Variants in REP15 observed in about 807,000 individuals in gnomAD.
The protein encoded by REP15 is RAB15 effector protein.
Under a neutral mutation model 1.1 loss-of-function variants are expected in REP15, and 1 was observed. That is an observed-to-expected ratio of 0.89 (90% CI 0.32 to 4.24). The LOEUF (loss-of-function observed/expected upper bound fraction) is 4.24, where lower values mean the gene tolerates loss of function less well. Ranked by LOEUF, REP15 falls within the 30% of genes most tolerant of loss-of-function variation. The probability of loss-of-function intolerance (pLI) is 0.17; values close to 1 mark genes in which losing one functional copy is unlikely to be tolerated. For synonymous variants in REP15, 100 were observed against 99.7 expected (o/e 1.00, Z -0.02); for missense variants, 246 against 271.9 (o/e 0.90, Z 0.67).
rs1199920263 is a variant in REP15, at chr12:27,697,099, C to T, written c.537C>T (p.Val179=). ...PGKPKDIRGV[V]LDSVKSQMVR... is the part of the protein sequence containing the mutation. ...AGCCTAAAGACATCAGGGGAGTTGTCCTGGACAGTGTCAAAAGTCAGATGG... is the reference window on the plus strand; with the variant it reads ...AGCCTAAAGACATCAGGGGAGTTGTTCTGGACAGTGTCAAAAGTCAGATGG... The change falls in exon 1 of 1, where the codon GTC becomes GTT. Residue 179 remains valine (V), a synonymous_variant. Coordinates refer to ENST00000310791, the MANE Select transcript of REP15 (RefSeq NM_001029874.3). The T allele has an allele frequency of 4.3e-6, 7 of 1,613,958 alleles. No homozygotes were observed. The African/African-American group carries it at 8.0e-5, about 18-fold the overall frequency.
In REP15 at chr12:27,697,341, C is replaced by A; in HGVS notation, c.*68C>A. The A allele has an allele frequency of 2.2e-6, 2 of 924,992 alleles. No individual in the cohort carries two copies. The highest frequency in any genetic ancestry group is 3.3e-5 in the South Asian group (2 of 59,818). 57.3% of individuals were successfully genotyped at this position (924,992 alleles called of 1,614,324 possible). ...AAAAAGATTCTAATAAGCAAGCTCA[C>A]CTATTTGCATCATTCCAGCATGGGA... On this transcript the variant is annotated 3_prime_UTR_variant, in exon 1 of 1. Coordinates refer to ENST00000310791, the MANE Select transcript of REP15 (RefSeq NM_001029874.3).
At position 27,696,703 on chromosome 12, in the gene REP15, ACT is replaced by A. The variant is rs750264329; in HGVS notation, c.144_145del (p.Cys49ProfsTer8). The A allele has an allele frequency of 6.2e-7, 1 of 1,614,096 alleles. No homozygotes were observed. Among genetic ancestry groups the A allele is most frequent in the Non-Finnish European group, 8.5e-7 (1 of 1,179,988 alleles). ...YLGFEYPPSK[L>X]CPAANTLNEI... ...TTGGATTTGAATATCCTCCAAGTAA[ACT>A]CTGCCCAGCTGCAAATACTCTGAAT... On this transcript the variant is annotated frameshift_variant, in exon 1 of 1. Transcript: ENST00000310791. LOFTEE classifies it low-confidence loss of function (END_TRUNC).
chr12:27,696,915 C>T lies in REP15; in HGVS notation c.353C>T (p.Pro118Leu), dbSNP rs1264484997. ...GTACAGACTCTGCAGATGTCTTCAC[C>T]TCCTCCTGTGGAATCTAAGCCTTGT... ...LAVQTLQMSS[P>L]PPVESKPCDL... Residue 118 changes from proline to leucine, a missense_variant, in exon 1 of 1, where the codon CCT becomes CTT. Physicochemically the swap from Pro to Leu is moderately conservative, Grantham distance 98 (BLOSUM62 -3). Coordinates refer to ENST00000310791, the MANE Select transcript of REP15 (RefSeq NM_001029874.3). The T allele has an allele frequency of 6.2e-7, 1 of 1,613,940 alleles. No homozygotes were observed. The highest frequency in any genetic ancestry group is 2.2e-5 in the East Asian group (1 of 44,900).
chr12:27,696,768 A>T lies in REP15; in HGVS notation c.206A>T (p.Glu69Val), dbSNP rs1459612245. The part of the protein sequence containing the change: ...FLIHFITFCQ[E>V]KGVDEWLTTT... ...ATCCATTTCATCACTTTCTGCCAAG[A>T]AAAGGGAGTTGATGAGTGGCTGACC... The change falls in exon 1 of 1, where the codon GAA (glutamate) becomes GTA (valine). Residue 69 changes from glutamate (E) to valine (V), a missense_variant. Glu to Val is a moderately radical substitution (Grantham distance 121, BLOSUM62 -2). Coordinates refer to ENST00000310791, the MANE Select transcript of REP15 (RefSeq NM_001029874.3). 6.2e-7 allele frequency: 1 copy of T among 1,614,002 alleles called. No individual in the cohort carries two copies. The highest frequency in any genetic ancestry group is 1.7e-5 in the Admixed American group (1 of 60,012).
At position 27,696,847 on chromosome 12, in the gene REP15, G is replaced by C. The variant is rs879116511; in HGVS notation, c.285G>C (p.Trp95Cys). ...QAFLFGADWIWTFWGSNKQIK... is the reference protein window; with the variant it reads ...QAFLFGADWICTFWGSNKQIK... ...TCCTGTTTGGTGCAGACTGGATTTG[G>C]ACCTTTTGGGGATCCAACAAGCAAA... Residue 95 changes from tryptophan (W) to cysteine (C), a missense_variant, in exon 1 of 1, where the codon TGG becomes TGC. Trp to Cys is a radical substitution (Grantham distance 215). Transcript: ENST00000310791. The C allele has an allele frequency of 2.5e-6, 4 of 1,614,020 alleles. No individual in the cohort carries two copies. In the South Asian group the frequency reaches 4.4e-5, roughly 18 times the overall value.
Position 27,697,197 on chromosome 12 carries a change from A to C in REP15, c.635A>C (p.Lys212Thr). 1 of 1,614,206 alleles carries C rather than the reference A, an allele frequency of 6.2e-7. No individual in the cohort carries two copies. Residue 212 changes from lysine to threonine, a missense_variant, in exon 1 of 1, where the codon AAA (lysine) becomes ACA (threonine). Coordinates refer to ENST00000310791, the MANE Select transcript of REP15 (RefSeq NM_001029874.3). The stretch of plus-strand genomic sequence containing the variant: ...GAAACTGAAGATTGTGTGTTCATCA[A>C]AGAGCTGCTCAGAAATTGTCTGAGT... ...VLETEDCVFI[K>T]ELLRNCLSKK... is the part of the protein sequence containing the mutation.
In REP15 at chr12:27,696,707, T is replaced by C. The variant is rs1256291494; in HGVS notation, c.145T>C (p.Cys49Arg). ...ATTTGAATATCCTCCAAGTAAACTC[T>C]GCCCAGCTGCAAATACTCTGAATGA... Reference protein sequence around the residue: ...LGFEYPPSKLCPAANTLNEIF... With the variant: ...LGFEYPPSKLRPAANTLNEIF... Residue 49 changes from cysteine to arginine, a missense_variant, in exon 1 of 1, where the codon TGC becomes CGC. Cys to Arg is a radical substitution (Grantham distance 180). Transcript: ENST00000310791. 6.2e-7 allele frequency: 1 copy of C among 1,614,226 alleles called. No homozygotes were observed. Among genetic ancestry groups the C allele is most frequent in the Non-Finnish European group, 8.5e-7 (1 of 1,180,032 alleles).
At position 27,697,279 on chromosome 12, in the gene REP15, A is replaced by G. The variant is rs562777409; in HGVS notation, c.*6A>G. Reference sequence around the variant, plus strand: ...TTTATATCAGCATTCTCTGACTTGGATATGTATTATGTGAGTGGCCTGTAA... The same window carrying G: ...TTTATATCAGCATTCTCTGACTTGGGTATGTATTATGTGAGTGGCCTGTAA... On this transcript the variant is annotated 3_prime_UTR_variant, in exon 1 of 1. Transcript: ENST00000310791. 7 of 1,569,442 alleles carry G rather than the reference A, an allele frequency of 4.5e-6. No homozygotes were observed. Among genetic ancestry groups the G allele is most frequent in the South Asian group, 3.3e-5 (3 of 89,578 alleles).
Position 27,697,375 on chromosome 12 carries a change from C to A in REP15, c.*102C>A. On this transcript the variant is annotated 3_prime_UTR_variant, in exon 1 of 1. Transcript: ENST00000310791. ...ATCATTCCAGCATGGGATTTTTTTT[C>A]ATTTGTTTTCCCATTGATTGAAAAT... 1 of 681,424 alleles carries A rather than the reference C, an allele frequency of 1.5e-6. No homozygotes were observed. Among genetic ancestry groups the A allele is most frequent in the Non-Finnish European group, 2.5e-6 (1 of 401,318 alleles). 42.2% of individuals were successfully genotyped at this position (681,424 alleles called of 1,614,324 possible). A position where few individuals can be genotyped will look rare whatever the true frequency, so the allele number is the denominator to read the frequency against.
chr12:27,696,502 A>T lies in REP15; in HGVS notation c.-61A>T. Reference sequence around the variant, plus strand: ...GATGTGGCCTCCCTGCAGAACTTTTACTTTGAAAAAGAAGTACGTCTGAAC... The same window carrying T: ...GATGTGGCCTCCCTGCAGAACTTTTTCTTTGAAAAAGAAGTACGTCTGAAC... On this transcript the variant is annotated 5_prime_UTR_variant, in exon 1 of 1. Transcript: ENST00000310791. The T allele has an allele frequency of 7.3e-7, 1 of 1,362,674 alleles. No individual in the cohort carries two copies. The highest frequency in any genetic ancestry group is 1.0e-6 in the Non-Finnish European group (1 of 1,000,448). The allele number at this position is 1,362,674 out of a possible 1,614,324, so 84.4% of individuals were successfully genotyped here. A position where few individuals can be genotyped will look rare whatever the true frequency, so the allele number is the denominator to read the frequency against.
Position 27,697,043 on chromosome 12 carries a change from G to T in REP15, c.481G>T (p.Gly161Cys). The change falls in exon 1 of 1, where the codon GGT becomes TGT. Residue 161 changes from glycine (G) to cysteine (C), a missense_variant. By Grantham distance (159) the Gly-to-Cys change is radical. Transcript: ENST00000310791. ...FCNLIGEDCL[G>C]LFIIFGMPGK... ...TAACTTAATAGGAGAGGATTGCCTG[G>T]GTCTGTTTATCATCTTTGGTATGCC... 6.2e-7 allele frequency: 1 copy of T among 1,613,902 alleles called. No homozygotes were observed. Among genetic ancestry groups the T allele is most frequent in the Non-Finnish European group, 8.5e-7 (1 of 1,179,824 alleles).
chr12:27,697,273 A>T lies in REP15; in HGVS notation c.711A>T (p.Ter237CysextTer41), dbSNP rs2061739467. The T allele has an allele frequency of 1.9e-6, 3 of 1,590,042 alleles. No individual in the cohort carries two copies. The highest frequency in any genetic ancestry group is 2.2e-5 in the East Asian group (1 of 44,706). The change falls in exon 1 of 1, where the codon TGA (stop) becomes TGT (cysteine). Residue 237 changes from the stop codon to cysteine, a stop_lost. Coordinates refer to ENST00000310791, the MANE Select transcript of REP15 (RefSeq NM_001029874.3). ...EVGKVYISIL[*>C] ...GCAAGGTTTATATCAGCATTCTCTG[A>T]CTTGGATATGTATTATGTGAGTGGC...
Position 27,697,335 on chromosome 12 carries a change from AG to A in REP15, c.*63del, listed in dbSNP as rs1377899673. Reference sequence around the variant, plus strand: ...AAAGAAAAAAAGATTCTAATAAGCAAGCTCACCTATTTGCATCATTCCAGCA... The same window carrying A: ...AAAGAAAAAAAGATTCTAATAAGCAACTCACCTATTTGCATCATTCCAGCA... On this transcript the variant is annotated 3_prime_UTR_variant, in exon 1 of 1. Transcript: ENST00000310791. 1 of 993,864 alleles carries A rather than the reference AG, an allele frequency of 1.0e-6. No individual in the cohort carries two copies. Among genetic ancestry groups the A allele is most frequent in the Admixed American group, 2.3e-5 (1 of 43,656 alleles). 61.6% of individuals were successfully genotyped at this position (993,864 alleles called of 1,614,324 possible).
rs748417051 is a variant in REP15 at position 27,696,776 on chromosome 12, G to A, written c.214G>A (p.Val72Ile). The stretch of plus-strand genomic sequence containing the variant: ...CATCACTTTCTGCCAAGAAAAGGGA[G>A]TTGATGAGTGGCTGACCACCACCAA... ...HFITFCQEKG[V>I]DEWLTTTKMT... Residue 72 changes from valine (V) to isoleucine (I), a missense_variant, in exon 1 of 1, where the codon GTT becomes ATT. By Grantham distance (29) the Val-to-Ile change is conservative. Transcript: ENST00000310791. 5.0e-6 allele frequency: 8 copies of A among 1,614,068 alleles called. No individual in the cohort carries two copies. Among genetic ancestry groups the A allele is most frequent in the Admixed American group, 1.7e-5 (1 of 60,012 alleles).
chr12:27,696,503 C>T lies in REP15; in HGVS notation c.-60C>T. 7.2e-7 allele frequency: 1 copy of T among 1,381,464 alleles called. No individual in the cohort carries two copies. Among genetic ancestry groups the T allele is most frequent in the Non-Finnish European group, 9.8e-7 (1 of 1,016,828 alleles). The allele number at this position is 1,381,464 out of a possible 1,614,324, so 85.6% of individuals were successfully genotyped here. ...ATGTGGCCTCCCTGCAGAACTTTTACTTTGAAAAAGAAGTACGTCTGAACC... is the reference window on the plus strand; with the variant it reads ...ATGTGGCCTCCCTGCAGAACTTTTATTTTGAAAAAGAAGTACGTCTGAACC... On this transcript the variant is annotated 5_prime_UTR_variant, in exon 1 of 1. Transcript: ENST00000310791.
At position 27,696,721 on chromosome 12, in the gene REP15, T is replaced by G. The variant is rs777250608; in HGVS notation, c.159T>G (p.Asn53Lys). The G allele has an allele frequency of 1.9e-6, 3 of 1,614,220 alleles. No homozygotes were observed. Among genetic ancestry groups the G allele is most frequent in the Non-Finnish European group, 2.5e-6 (3 of 1,180,050 alleles). Residue 53 changes from asparagine to lysine, a missense_variant, in exon 1 of 1, where the codon AAT (asparagine) becomes AAG (lysine). Transcript: ENST00000310791. ...CAAGTAAACTCTGCCCAGCTGCAAA[T>G]ACTCTGAATGAGATCTTCTTAATCC... ...YPPSKLCPAA[N>K]TLNEIFLIHF... is the part of the protein sequence containing the mutation.
Position 27,696,850 on chromosome 12 carries a change from CT to C in REP15, c.292del (p.Trp98GlyfsTer7), listed in dbSNP as rs755091811. ...FLFGADWIWT[F>X]WGSNKQIKLQ... ...TGTTTGGTGCAGACTGGATTTGGAC[CT>C]TTTGGGGATCCAACAAGCAAATAAA... On this transcript the variant is annotated frameshift_variant, in exon 1 of 1. Coordinates refer to ENST00000310791, the MANE Select transcript of REP15 (RefSeq NM_001029874.3). LOFTEE classifies it low-confidence loss of function (END_TRUNC). The C allele has an allele frequency of 1.2e-5, 19 of 1,614,018 alleles. No homozygotes were observed. The highest frequency in any genetic ancestry group is 1.6e-5 in the Non-Finnish European group (19 of 1,179,978).
At position 27,696,985 on chromosome 12, in the gene REP15, G is replaced by T. The variant is rs369740645; in HGVS notation, c.423G>T (p.Lys141Asn). The T allele has an allele frequency of 9.9e-6, 16 of 1,614,070 alleles. No homozygotes were observed. Among genetic ancestry groups the T allele is most frequent in the Non-Finnish European group, 1.4e-5 (16 of 1,180,028 alleles). The change falls in exon 1 of 1, where the codon AAG (lysine) becomes AAT (asparagine). Residue 141 changes from lysine to asparagine, a missense_variant. Physicochemically the swap from Lys to Asn is moderately conservative, Grantham distance 94. Transcript: ENST00000310791. ...PESRVEESSW[K>N]KSRFDKLEEF... ...CAAGGGTAGAGGAGTCTTCCTGGAAGAAAAGTAGATTTGATAAGCTGGAAG... is the reference window on the plus strand; with the variant it reads ...CAAGGGTAGAGGAGTCTTCCTGGAATAAAAGTAGATTTGATAAGCTGGAAG...
chr12:27,697,587 CA>C lies in REP15; in HGVS notation c.*323del, dbSNP rs367955434. On this transcript the variant is annotated 3_prime_UTR_variant, in exon 1 of 1. Coordinates refer to ENST00000310791, the MANE Select transcript of REP15 (RefSeq NM_001029874.3). ...AAAGTCACATTTAAAGTTTGATTTG[CA>C]AAAAAAAAGTGTCTGTTTGAAATAA... 8.2e-4 allele frequency: 177 copies of C among 215,714 alleles called. No homozygotes were observed. Among genetic ancestry groups the C allele is most frequent in the East Asian group, 1.4e-3 (12 of 8,788 alleles). 13.4% of individuals were successfully genotyped at this position (215,714 alleles called of 1,614,324 possible). A position where few individuals can be genotyped will look rare whatever the true frequency, so the allele number is the denominator to read the frequency against.
Sources: gnomAD v4.1 joint callset for allele counts on GRCh38, gnomAD v4.1.1 for gene constraint, MANE v1.5 for transcripts, NCBI Gene and HGNC (gene_info 2026-07-23, HGNC 2026-07-21) for gene names.